PRKCE: variants seen among roughly 807,000 people sequenced by gnomAD.
PRKCE encodes the protein protein kinase C epsilon, also known as protein kinase C epsilon type.
PRKCE carries 16 observed loss-of-function variants against 85.4 expected under a neutral mutation model. The ratio of observed to expected loss-of-function variants is 0.19; its 90% CI spans 0.13 to 0.28. The LOEUF is 0.28. Ranked by LOEUF, PRKCE falls within the 10% of genes least tolerant of loss-of-function variation. The pLI is 1.00. For synonymous variants in PRKCE, 388 were observed against 371.5 expected (o/e 1.04, Z -0.51); for missense variants, 573 against 975.2 (o/e 0.59, Z 5.49).
At chr2:46,090,957 T>C (rs1670108099) in intron 11 of PRKCE, among the ~76,000 whole-genome samples, 1 of 152,200 alleles carries the variant, frequency 6.6e-6, no homozygotes, top group Non-Finnish European at 1.5e-5. Flanking sequence ...CCTGTTGGAA[T>C]TGATATACAA....
intron 14 of PRKCE, chr2:46,167,727 A>G (rs2104632191): frequency 6.6e-6 from 1 of 151,800 alleles, no homozygotes; most frequent in African/African-American, 2.4e-5. Flanking sequence ...GTTCTGCCAC[A>G]TTTTCTCAGC....
chr2:45,803,591 T>C (rs1379729400), intron 1 of PRKCE, among the ~76,000 whole-genome samples: 1 of 152,216 alleles, frequency 6.6e-6, no homozygotes, highest in Non-Finnish European at 1.5e-5. Flanking sequence ...TGCTTTTAAA[T>C]GTAATCCCTC....
At chr2:46,060,342 G>C (rs1666984827) in intron 10 of PRKCE, among the ~76,000 whole-genome samples, 1 of 152,126 alleles carries the variant, frequency 6.6e-6, no homozygotes, top group South Asian at 2.1e-4. Context: ...GCACTGCCCG[G>C]GCAGCCCAAG....
intron 6 of PRKCE, among the ~76,000 whole-genome samples, chr2:45,985,434 G>A (rs1014040494): frequency 1.3e-5 from 2 of 152,074 alleles, no homozygotes; most frequent in Non-Finnish European, 2.9e-5. Flanking sequence ...CTGCTTGCAC[G>A]GTTGGGCAAC....
intron 2 of PRKCE, among the ~76,000 whole-genome samples, chr2:45,950,819 G>A (rs913371157): frequency 2.0e-5 from 3 of 152,116 alleles, no homozygotes; most frequent in Admixed American, 6.5e-5. Flanking sequence ...AGCAGCTGGT[G>A]GACAAGAGGG....
chr2:45,938,848 C>T (rs1029134713), intron 2 of PRKCE, among the ~76,000 whole-genome samples: 1 of 152,224 alleles, frequency 6.6e-6, no homozygotes, highest in Non-Finnish European at 1.5e-5. Flanking sequence ...TATTAGATTG[C>T]AAACCCCTGA....
rs755737630 is a variant in PRKCE, at chr2:45,774,732, G to A, written c.349-68268G>A. ...TCTGATAGATGAATCAAGCCGGGAC[G>A]CCCAGTCACCCTGACTTTGACTCTT... On this transcript the variant is annotated intron_variant, in intron 1 of 14. Coordinates refer to ENST00000306156, the MANE Select transcript of PRKCE (RefSeq NM_005400.3). The surrounding 1 kb of genome is among the most constrained non-coding windows in gnomAD (Gnocchi z 4.3). Among the ~76,000 whole-genome samples the A allele has an allele frequency of 1.9e-4, 29 of 152,136 alleles. No homozygotes were observed. The highest frequency in any genetic ancestry group is 3.9e-4 in the East Asian group (2 of 5,134).
At chr2:46,067,359 A>G (rs1393909028) in intron 10 of PRKCE, among the ~76,000 whole-genome samples, 1 of 152,256 alleles carries the variant, frequency 6.6e-6, no homozygotes, top group Non-Finnish European at 1.5e-5. Context: ...GTAGTGGTTC[A>G]GAGTCACAAT....
intron 2 of PRKCE, among the ~76,000 whole-genome samples, chr2:45,973,133 T>A (rs1291154670): frequency 1.3e-5 from 2 of 152,210 alleles, no homozygotes; most frequent in South Asian, 4.1e-4. Flanking sequence ...GGAAGAGACC[T>A]TTCATAGCGG....
intron 1 of PRKCE, among the ~76,000 whole-genome samples, chr2:45,747,243 C>T (rs1316777461): frequency 6.6e-6 from 1 of 152,116 alleles, no homozygotes; most frequent in African/African-American, 2.4e-5. Context: ...ATCATTGTAA[C>T]CATTCTTAAG....
chr2:46,051,295 G>T (rs986599694), intron 10 of PRKCE, among the ~76,000 whole-genome samples: 1 of 152,158 alleles, frequency 6.6e-6, no homozygotes, highest in African/African-American at 2.4e-5. Flanking sequence ...GTGGTTTCTG[G>T]TGGCAAGAAG....
chr2:45,971,952 G>C (rs1702139458), intron 2 of PRKCE, among the ~76,000 whole-genome samples: 1 of 152,108 alleles, frequency 6.6e-6, no homozygotes, highest in Non-Finnish European at 1.5e-5. Context: ...ACTCTTCAGG[G>C]TCCTTACTTT....
At chr2:46,178,426 T>G (rs1011495166) in intron 14 of PRKCE, among the ~76,000 whole-genome samples, 5 of 152,186 alleles carry the variant, frequency 3.3e-5, no homozygotes, top group African/African-American at 4.8e-5. Context: ...GGATGACAGA[T>G]GATTATGTTT....
chr2:45,819,464 C>T (rs1689346227), intron 1 of PRKCE, among the ~76,000 whole-genome samples: 1 of 152,182 alleles, frequency 6.6e-6, no homozygotes. Context: ...GACACATTGT[C>T]CTCAGTTGCA....
intron 1 of PRKCE, among the ~76,000 whole-genome samples, chr2:45,749,650 G>T (rs1426045095): frequency 6.6e-6 from 1 of 152,220 alleles, no homozygotes; most frequent in Non-Finnish European, 1.5e-5. Context: ...TATGAACAGT[G>T]TCTCATTTAA....
intron 2 of PRKCE, among the ~76,000 whole-genome samples, chr2:45,909,778 C>T (rs114707664): frequency 3.9e-5 from 6 of 152,172 alleles, no homozygotes; most frequent in African/African-American, 1.4e-4. Flanking sequence ...CTAGAACATC[C>T]CTTCCAGGTC....
intron 1 of PRKCE, among the ~76,000 whole-genome samples, chr2:45,749,947 G>A (rs1226591500): frequency 6.6e-6 from 1 of 152,054 alleles, no homozygotes. Context: ...AAAAGGATAA[G>A]GCCTTTTGGG....
intron 13 of PRKCE, 118 bp downstream of exon 13, chr2:46,151,347 A>G: frequency 9.1e-7 from 1 of 1,101,672 alleles, no homozygotes; most frequent in Non-Finnish European, 1.3e-6. Context: ...TTCTCTGTCC[A>G]GCTTTCTCCC....
intron 12 of PRKCE, among the ~76,000 whole-genome samples, chr2:46,146,795 G>T (rs1348708274): frequency 6.6e-6 from 1 of 152,090 alleles, no homozygotes; most frequent in Non-Finnish European, 1.5e-5. Flanking sequence ...AAAGGCCAAG[G>T]GACAAAAACA....
Sources: allele counts gnomAD v4.1 joint callset (sites outside exome capture counted in the v4.1 genomes callset), GRCh38; gene constraint gnomAD v4.1.1; non-coding constraint Gnocchi (gnomAD v3.1); transcripts MANE v1.5; gene names NCBI Gene and HGNC (gene_info 2026-07-23, HGNC 2026-07-21).